SLC35F3: variants seen among roughly 807,000 people sequenced by gnomAD.
The protein encoded by SLC35F3 is putative thiamine transporter SLC35F3.
Under a neutral mutation model 49.9 loss-of-function variants are expected in SLC35F3, and 25 were observed. The observed-to-expected ratio is 0.50, with a 90% CI of 0.37 to 0.70. The LOEUF (loss-of-function observed/expected upper bound fraction) is 0.70. Among genes scored for constraint, SLC35F3 ranks in the 30% least tolerant of loss-of-function variants. SLC35F3 has a pLI of 0.00. For synonymous variants in SLC35F3, 275 were observed against 265.4 expected, an observed-to-expected ratio of 1.04 and a Z score of -0.35; for missense variants, 525 against 639.8, an observed-to-expected ratio of 0.82 and a Z score of 1.94.
intron 3 of SLC35F3, among the ~76,000 whole-genome samples, chr1:234,287,022 G>A (rs369923931): frequency 2.0e-5 from 3 of 152,044 alleles, no homozygotes; most frequent in Non-Finnish European, 4.4e-5. Flanking sequence ...AAAAGTTAAA[G>A]TTTCTACAAA....
chr1:234,278,890 G>A (rs1425720375), intron 3 of SLC35F3, among the ~76,000 whole-genome samples: 1 of 152,118 alleles, frequency 6.6e-6, no homozygotes, highest in African/African-American at 2.4e-5. Flanking sequence ...CATCACACTG[G>A]GGGTTAGGAT....
intron 2 of SLC35F3, among the ~76,000 whole-genome samples, chr1:233,922,114 T>G (rs987137438): frequency 6.6e-6 from 1 of 152,260 alleles, no homozygotes; most frequent in Non-Finnish European, 1.5e-5. Context: ...TGTGTGCATG[T>G]GTCTTTAAAG....
At chr1:234,307,814 C>G (rs1465730295) in intron 3 of SLC35F3, among the ~76,000 whole-genome samples, 2 of 152,164 alleles carry the variant, frequency 1.3e-5, no homozygotes, top group African/African-American at 4.8e-5. Flanking sequence ...AGTGCCTCCT[C>G]ACTTGTCCAT....
In SLC35F3 at chr1:234,136,770, A is replaced by C. The variant is rs563907272; in HGVS notation, c.284-94647A>C. On this transcript the variant is annotated intron_variant, in intron 2 of 7. Transcript: ENST00000366618. Reference sequence around the variant, plus strand: ...GTTCAGGCCAGGTGCCTATGTGCAGATGCAGGCCAGCCTGTTGACCTGCAG... The same window carrying C: ...GTTCAGGCCAGGTGCCTATGTGCAGCTGCAGGCCAGCCTGTTGACCTGCAG... Among the ~76,000 whole-genome samples the C allele has an allele frequency of 2.6e-5, 4 of 152,344 alleles. No homozygotes were observed. In the East Asian group the frequency reaches 7.7e-4, roughly 29 times the overall value.
chr1:233,937,151 A>G (rs1662348668), intron 2 of SLC35F3, among the ~76,000 whole-genome samples: 1 of 152,218 alleles, frequency 6.6e-6, no homozygotes, highest in South Asian at 2.1e-4. Context: ...TTTCATAGAA[A>G]GGGGAAAATC....
chr1:234,262,049 C>T (rs917814825), intron 3 of SLC35F3, among the ~76,000 whole-genome samples: 1 of 152,200 alleles, frequency 6.6e-6, no homozygotes, highest in Non-Finnish European at 1.5e-5. Flanking sequence ...TGGTGTTCAT[C>T]TCAACAAATA....
At chr1:234,285,504 T>C (rs946987381) in intron 3 of SLC35F3, 2 of 379,402 alleles carry the variant, frequency 5.3e-6, no homozygotes, top group African/African-American at 4.2e-5. Flanking sequence ...GGGTGCCATC[T>C]ATGTCTCTGT....
At chr1:234,172,961 A>G (rs12087494) in intron 2 of SLC35F3, among the ~76,000 whole-genome samples, 13,415 of 152,142 alleles carry the variant, frequency 0.088, 1,947 homozygotes, top group African/African-American at 0.3. Flanking sequence ...GCTTCCCCCA[A>G]TGGTAACATC....
At chr1:234,076,054 C>G (rs373371008) in intron 2 of SLC35F3, among the ~76,000 whole-genome samples, 1 of 152,112 alleles carries the variant, frequency 6.6e-6, no homozygotes, top group Non-Finnish European at 1.5e-5. Flanking sequence ...ATGTTCTTAA[C>G]CTTGGCAAAA....
At chr1:234,201,365 A>G (rs1004359119) in intron 2 of SLC35F3, among the ~76,000 whole-genome samples, 1 of 152,212 alleles carries the variant, frequency 6.6e-6, no homozygotes, top group Non-Finnish European at 1.5e-5. Context: ...GATAGCTTCA[A>G]CTAGCTCCAT....
At chr1:233,918,732 C>G (rs1338424087) in intron 2 of SLC35F3, among the ~76,000 whole-genome samples, 1 of 152,068 alleles carries the variant, frequency 6.6e-6, no homozygotes, top group Non-Finnish European at 1.5e-5. Flanking sequence ...ATACCATGCA[C>G]TCCAGCCTGG....
chr1:234,014,774 G>T (rs79139582), intron 2 of SLC35F3, among the ~76,000 whole-genome samples: 3,905 of 151,944 alleles, frequency 0.026, 148 homozygotes, highest in African/African-American at 0.083. Flanking sequence ...TAAACAAAGA[G>T]GTGAAAGATC....
At chr1:234,052,329 T>G (rs1345692141) in intron 2 of SLC35F3, among the ~76,000 whole-genome samples, 1 of 152,356 alleles carries the variant, frequency 6.6e-6, no homozygotes, top group South Asian at 2.1e-4. Context: ...GTTATTGGTC[T>G]ATTCAGGGAT....
At chr1:234,254,185 T>A (rs1667782177) in intron 3 of SLC35F3, among the ~76,000 whole-genome samples, 2 of 152,202 alleles carry the variant, frequency 1.3e-5, no homozygotes, top group Non-Finnish European at 2.9e-5. Flanking sequence ...GGCTGGTTCA[T>A]TTTTTTATGC....
intron 2 of SLC35F3, among the ~76,000 whole-genome samples, chr1:234,058,904 T>C (rs1172168257): frequency 1.7e-4 from 26 of 152,154 alleles, no homozygotes; most frequent in Admixed American, 1.7e-3. Context: ...GTTTCAGTAG[T>C]TTGTGTCTTT....
intron 2 of SLC35F3, among the ~76,000 whole-genome samples, chr1:234,139,687 C>T (rs897635657): frequency 9.9e-5 from 15 of 152,072 alleles, no homozygotes; most frequent in African/African-American, 3.4e-4. Context: ...CGGTGTCTCA[C>T]ACCTGTAATC....
At chr1:234,065,974 T>G (rs1164682431) in intron 2 of SLC35F3, among the ~76,000 whole-genome samples, 1 of 152,192 alleles carries the variant, frequency 6.6e-6, no homozygotes, top group African/African-American at 2.4e-5. Flanking sequence ...GGCCCTTCGC[T>G]GGTCCGGAGG....
At chr1:234,103,111 A>G (rs568351840) in intron 2 of SLC35F3, among the ~76,000 whole-genome samples, 32 of 152,340 alleles carry the variant, frequency 2.1e-4, no homozygotes, top group Admixed American at 2.1e-3. Flanking sequence ...AAAAAAGACA[A>G]TTGCAACATT....
chr1:234,210,804 G>A (rs573494002), intron 2 of SLC35F3, among the ~76,000 whole-genome samples: 6 of 152,346 alleles, frequency 3.9e-5, no homozygotes, highest in East Asian at 3.9e-4. Context: ...CCCATTTTCC[G>A]GGGAGAAATT....
Sources: allele counts gnomAD v4.1 joint callset (sites outside exome capture counted in the v4.1 genomes callset), GRCh38; gene constraint gnomAD v4.1.1; transcripts MANE v1.5; gene names NCBI Gene and HGNC (gene_info 2026-07-23, HGNC 2026-07-21).